The following FAM107B variants were observed in gnomAD, a reference collection of about 807,000 sequenced individuals.
The protein encoded by FAM107B is protein FAM107B.
In FAM107B, 21 loss-of-function variants were observed where a neutral mutation model predicts 31.5. That is an observed-to-expected ratio of 0.67 (90% CI 0.47 to 0.96). The LOEUF (loss-of-function observed/expected upper bound fraction) is 0.96, where lower values mean the gene tolerates loss of function less well. FAM107B is among the 40% of genes least tolerant of loss of function. The probability of loss-of-function intolerance (pLI) is 0.00; values close to 1 mark genes in which losing one functional copy is unlikely to be tolerated. For synonymous variants in FAM107B, 157 were observed against 141.5 expected (o/e 1.11, Z -0.78); for missense variants, 452 against 377.1 (o/e 1.20, Z -1.64).
intron 2 of FAM107B, among the ~76,000 whole-genome samples, chr10:14,622,881 G>A (rs1313327879): frequency 1.3e-5 from 2 of 152,086 alleles, no homozygotes; most frequent in African/African-American, 4.8e-5. Context: ...AAATCACAGG[G>A]ATTTCTTTCC....
intron 2 of FAM107B, among the ~76,000 whole-genome samples, chr10:14,545,436 T>C (rs1001573112): frequency 4.6e-5 from 7 of 152,216 alleles, no homozygotes; most frequent in South Asian, 2.1e-4. Context: ...TCTTGATGAA[T>C]ACCTGGTTGA....
chr10:14,573,608 G>A (rs1037411488), intron 2 of FAM107B, among the ~76,000 whole-genome samples: 2 of 150,746 alleles, frequency 1.3e-5, no homozygotes, highest in Non-Finnish European at 3.0e-5. Flanking sequence ...GCAGGACATG[G>A]TGGAATATGC....
At chr10:14,643,756 C>T (rs1346952827) in intron 2 of FAM107B, among the ~76,000 whole-genome samples, 1 of 152,118 alleles carries the variant, frequency 6.6e-6, no homozygotes, top group African/African-American at 2.4e-5. Context: ...TAATGTCATC[C>T]AGAAACATCC....
intron 1 of FAM107B, among the ~76,000 whole-genome samples, chr10:14,755,304 T>C (rs527746466): frequency 3.3e-5 from 5 of 151,674 alleles, no homozygotes; most frequent in Non-Finnish European, 7.4e-5. Flanking sequence ...AGCCATAGAA[T>C]CAAAAGTAAG....
At chr10:14,601,712 C>A (rs936354336) in intron 2 of FAM107B, among the ~76,000 whole-genome samples, 1 of 152,226 alleles carries the variant, frequency 6.6e-6, no homozygotes, top group African/African-American at 2.4e-5. Flanking sequence ...AAACTCCCAA[C>A]TCATTTCCTT....
At chr10:14,757,261 A>T (rs1832948975) in intron 1 of FAM107B, among the ~76,000 whole-genome samples, 1 of 152,008 alleles carries the variant, frequency 6.6e-6, no homozygotes, top group African/African-American at 2.4e-5. Flanking sequence ...CTATGTACCT[A>T]ATATAGTCAA....
At chr10:14,618,721 C>T (rs1375325754) in intron 2 of FAM107B, among the ~76,000 whole-genome samples, 1 of 152,068 alleles carries the variant, frequency 6.6e-6, no homozygotes, top group East Asian at 1.9e-4. Flanking sequence ...CCTGTTATCC[C>T]AGCTACACAG....
At chr10:14,762,792 ACACAC>A (rs1564293258) in intron 1 of FAM107B, among the ~76,000 whole-genome samples, 59 of 148,962 alleles carry the variant, frequency 4.0e-4, no homozygotes, top group African/African-American at 1.5e-3. Flanking sequence ...ACACACACAC[ACACAC>A]ACACAAAAAG....
chr10:14,616,505 T>G (rs1852854381), intron 2 of FAM107B, among the ~76,000 whole-genome samples: 1 of 152,148 alleles, frequency 6.6e-6, no homozygotes, highest in Non-Finnish European at 1.5e-5. Context: ...GTCAGCCTGG[T>G]ATAAAAAAAT....
intron 2 of FAM107B, among the ~76,000 whole-genome samples, chr10:14,664,327 C>A (rs1854350878): frequency 6.6e-6 from 1 of 152,208 alleles, no homozygotes; most frequent in Non-Finnish European, 1.5e-5. Flanking sequence ...CTGTATTTCT[C>A]ACTTTCCATA....
intron 2 of FAM107B, among the ~76,000 whole-genome samples, chr10:14,626,881 G>A (rs1853180179): frequency 6.6e-6 from 1 of 152,136 alleles, no homozygotes; most frequent in South Asian, 2.1e-4. Flanking sequence ...GATGGCCTCT[G>A]ATTTAGTGTT....
intron 1 of FAM107B, among the ~76,000 whole-genome samples, chr10:14,735,746 A>G (rs1452824520): frequency 6.6e-6 from 1 of 152,150 alleles, no homozygotes; most frequent in Non-Finnish European, 1.5e-5. Flanking sequence ...CATACACTGG[A>G]AAGCCTTTCA....
chr10:14,679,109 C>T (rs1035421911), intron 1 of FAM107B, among the ~76,000 whole-genome samples: 1 of 151,650 alleles, frequency 6.6e-6, no homozygotes, highest in African/African-American at 2.4e-5. Context: ...TCAGTTTCAT[C>T]ATAAAAAAGT....
chr10:14,726,072 C>T (rs1057456913), intron 1 of FAM107B, among the ~76,000 whole-genome samples: 1 of 152,012 alleles, frequency 6.6e-6, no homozygotes, highest in Non-Finnish European at 1.5e-5. Flanking sequence ...CAGCTCACTG[C>T]AACCTCCGCC....
intron 1 of FAM107B, among the ~76,000 whole-genome samples, chr10:14,696,746 A>G (rs140043050): frequency 1.6e-4 from 24 of 152,262 alleles, no homozygotes; most frequent in Admixed American, 7.8e-4. Flanking sequence ...AAAGGTGTCT[A>G]TCTCAAACTC....
intron 2 of FAM107B, among the ~76,000 whole-genome samples, chr10:14,611,094 C>A (rs979926517): frequency 6.6e-6 from 1 of 152,134 alleles, no homozygotes; most frequent in Admixed American, 6.5e-5. Flanking sequence ...CTGCATTTTA[C>A]GTTTTTTTCT....
At chr10:14,533,509 G>C (rs1847260549) in intron 2 of FAM107B, among the ~76,000 whole-genome samples, 1 of 152,128 alleles carries the variant, frequency 6.6e-6, no homozygotes, top group African/African-American at 2.4e-5. Flanking sequence ...CTCAAGCCTG[G>C]GTGACTCGCT....
intron 2 of FAM107B, among the ~76,000 whole-genome samples, chr10:14,610,125 C>T (rs1261237424): frequency 2.0e-5 from 3 of 152,138 alleles, no homozygotes; most frequent in East Asian, 1.9e-4. Flanking sequence ...GGGTGGATCA[C>T]GAGGTCAGGA....
chr10:14,625,754 G>A (rs1853144215), intron 2 of FAM107B, among the ~76,000 whole-genome samples: 1 of 150,284 alleles, frequency 6.7e-6, no homozygotes, highest in African/African-American at 2.4e-5. Context: ...GAAAAAAAAA[G>A]TGGCACAGAA....
Sources: allele counts gnomAD v4.1 joint callset (sites outside exome capture counted in the v4.1 genomes callset), GRCh38; gene constraint gnomAD v4.1.1; transcripts MANE v1.5; gene names NCBI Gene and HGNC (gene_info 2026-07-23, HGNC 2026-07-21).